The following ULK4 variants were observed in gnomAD, a reference collection of about 807,000 sequenced individuals.
The protein encoded by ULK4 is unc-51 like kinase 4, also known as inactive serine/threonine-protein kinase ULK4.
ULK4 carries 133 observed loss-of-function variants against 160.6 expected under a neutral mutation model. That is an observed-to-expected ratio of 0.83 (90% CI 0.72 to 0.96). The LOEUF (loss-of-function observed/expected upper bound fraction) is 0.96, where lower values mean the gene tolerates loss of function less well. Among genes scored for constraint, ULK4 ranks in the 40% least tolerant of loss-of-function variants. ULK4 has a pLI of 0.00. For synonymous variants in ULK4, 534 were observed against 539.8 expected (o/e 0.99, Z 0.15); for missense variants, 1,580 against 1,499.5 (o/e 1.05, Z -0.89).
Position 41,896,962 on chromosome 3 carries a change from A to C in ULK4, c.1390T>G (p.Phe464Val). 1 of 1,613,380 alleles carries C rather than the reference A, an allele frequency of 6.2e-7. No individual in the cohort carries two copies. The highest frequency in any genetic ancestry group is 8.5e-7 in the Non-Finnish European group (1 of 1,179,864). Residue 464 changes from phenylalanine (F) to valine (V), a missense_variant, in exon 15 of 37, where the codon TTT (phenylalanine) becomes GTT (valine). By Grantham distance (50) the Phe-to-Val change is conservative (BLOSUM62 -1). Transcript: ENST00000301831. Reference protein sequence around the residue: ...LFLKDQDWNDFLQQVCSQIDS... With the variant: ...LFLKDQDWNDVLQQVCSQIDS... The stretch of plus-strand genomic sequence containing the variant: ...ATCTGCGAGCACACTTGTTGCAAAA[A>C]GTCATTCCAATCTTGATCTTTCAGA...
At chr3:41,341,924 A>C (rs894161191) in intron 35 of ULK4, among the ~76,000 whole-genome samples, 4 of 152,232 alleles carry the variant, frequency 2.6e-5, no homozygotes, top group Non-Finnish European at 5.9e-5. Context: ...GGTCTCACAA[A>C]GTCAAAAAGG....
chr3:41,563,549 GTTCGT>G (rs1460289883), intron 32 of ULK4, among the ~76,000 whole-genome samples: 2 of 152,154 alleles, frequency 1.3e-5, no homozygotes, highest in Admixed American at 1.3e-4. Context: ...TGGAGGCTTT[GTTCGT>G]TTCTTTTTAC....
rs767254673 is a variant in ULK4 at position 41,833,286 on chromosome 3, G to GT, written c.1764+2577dup. ...GTATTCTTAAGTTGTTTTTTTTTTT[G>GT]TTTTTTTTTTTTTTGTTTGTTTGTT... On this transcript the variant is annotated intron_variant, in intron 18 of 36. Coordinates refer to ENST00000301831, the MANE Select transcript of ULK4 (RefSeq NM_017886.4). 7.9e-3 allele frequency among the ~76,000 whole-genome samples: 867 copies of GT among 109,462 alleles called. 32 individuals carry two copies. In the East Asian group the frequency reaches 0.11, roughly 14 times the overall value. The allele number at this position is 109,462 out of a possible 152,430, so 71.8% of individuals were successfully genotyped here.
intron 32 of ULK4, among the ~76,000 whole-genome samples, chr3:41,487,208 G>A (rs2084570735): frequency 6.6e-6 from 1 of 151,914 alleles, no homozygotes; most frequent in Non-Finnish European, 1.5e-5. Flanking sequence ...AGATATAAAA[G>A]GAAAACTGAA....
intron 35 of ULK4, among the ~76,000 whole-genome samples, chr3:41,378,621 G>A (rs57087237): frequency 0.045 from 6,842 of 151,184 alleles, 530 homozygotes; most frequent in African/African-American, 0.16. Flanking sequence ...ATCATATACC[G>A]GGGCCTGTCA....
chr3:41,472,359 A>G (rs1364787920), intron 32 of ULK4, among the ~76,000 whole-genome samples: 6 of 152,134 alleles, frequency 3.9e-5, no homozygotes, highest in African/African-American at 1.4e-4. Flanking sequence ...ACCTGAGGTC[A>G]GGAGTTCAAA....
At chr3:41,543,253 T>C (rs1339187067) in intron 32 of ULK4, among the ~76,000 whole-genome samples, 2 of 152,130 alleles carry the variant, frequency 1.3e-5, no homozygotes, top group Non-Finnish European at 2.9e-5. Flanking sequence ...GCAGATGATT[T>C]GTGTCCTCAG....
At chr3:41,446,161 C>G (rs1193908962) in intron 34 of ULK4, among the ~76,000 whole-genome samples, 1 of 152,118 alleles carries the variant, frequency 6.6e-6, no homozygotes, top group African/African-American at 2.4e-5. Context: ...AAATGCAAAT[C>G]AAAACCACAA....
At chr3:41,350,166 A>G (rs1011452490) in intron 35 of ULK4, among the ~76,000 whole-genome samples, 2 of 152,228 alleles carry the variant, frequency 1.3e-5, no homozygotes, top group African/African-American at 4.8e-5. Flanking sequence ...GTGTAAGTTG[A>G]AAAAATAGTC....
At chr3:41,842,248 G>A (rs564575861) in intron 17 of ULK4, among the ~76,000 whole-genome samples, 2 of 150,586 alleles carry the variant, frequency 1.3e-5, no homozygotes, top group Non-Finnish European at 2.9e-5. Flanking sequence ...CAAGGTTGCA[G>A]TGAGCTATGA....
chr3:41,655,363 A>T (rs1251107735), intron 30 of ULK4, among the ~76,000 whole-genome samples: 3 of 113,180 alleles, frequency 2.7e-5, no homozygotes, highest in African/African-American at 1.0e-4. Context: ...AACATCACAC[A>T]CCGGGGACTG....
intron 31 of ULK4, among the ~76,000 whole-genome samples, chr3:41,601,154 C>A (rs2032034135): frequency 6.6e-6 from 1 of 151,950 alleles, no homozygotes; most frequent in Non-Finnish European, 1.5e-5. Context: ...TTAACATAAA[C>A]AAAGTGGGTG....
At chr3:41,372,400 G>A (rs1487573604) in intron 35 of ULK4, among the ~76,000 whole-genome samples, 5 of 152,136 alleles carry the variant, frequency 3.3e-5, no homozygotes, top group Non-Finnish European at 5.9e-5. Context: ...AGAGAGAAAG[G>A]TCGGGTTACC....
intron 15 of ULK4, 107 bp downstream of exon 15, chr3:41,896,715 T>C (rs896235688): frequency 3.9e-6 from 5 of 1,279,604 alleles, no homozygotes; most frequent in Non-Finnish European, 5.3e-6. Flanking sequence ...AAAATCGTGA[T>C]AAATCAGTTT....
chr3:41,776,536 A>C (rs17062370), intron 21 of ULK4, among the ~76,000 whole-genome samples: 1 of 150,682 alleles, frequency 6.6e-6, no homozygotes, highest in Non-Finnish European at 1.5e-5. Context: ...ACATTTCTAT[A>C]AACAGATACA....
chr3:41,524,820 C>T (rs1412191361), intron 32 of ULK4, among the ~76,000 whole-genome samples: 1 of 152,072 alleles, frequency 6.6e-6, no homozygotes, highest in Non-Finnish European at 1.5e-5. Flanking sequence ...TGCCTGTAGT[C>T]CAAGCTACTC....
chr3:41,565,960 G>GCTAT, intron 32 of ULK4, 65 bp downstream of exon 32: 2 of 1,251,118 alleles, frequency 1.6e-6, no homozygotes. Flanking sequence ...TAGACTCCAC[G>GCTAT]CTATATAAGA....
At chr3:41,733,892 G>A (rs1453175456) in intron 22 of ULK4, among the ~76,000 whole-genome samples, 5 of 151,568 alleles carry the variant, frequency 3.3e-5, no homozygotes, top group African/African-American at 7.3e-5. Context: ...CTGCCACCAC[G>A]CCCAGCTAAT....
At chr3:41,410,179 A>T (rs1464327091) in intron 34 of ULK4, among the ~76,000 whole-genome samples, 1 of 152,186 alleles carries the variant, frequency 6.6e-6, no homozygotes, top group African/African-American at 2.4e-5. Flanking sequence ...GCTCCCAGGT[A>T]TATACTGAAA....
Sources: allele counts gnomAD v4.1 joint callset (sites outside exome capture counted in the v4.1 genomes callset), GRCh38; gene constraint gnomAD v4.1.1; transcripts MANE v1.5; gene names NCBI Gene and HGNC (gene_info 2026-07-23, HGNC 2026-07-21).